The following ADGRB3 variants were observed in gnomAD, a reference collection of about 807,000 sequenced individuals.
The protein encoded by ADGRB3 is adhesion G protein-coupled receptor B3, also known as brain-specific angiogenesis inhibitor 3.
ADGRB3 carries 37 observed loss-of-function variants against 193.4 expected under a neutral mutation model. The ratio of observed to expected loss-of-function variants is 0.19; its 90% CI spans 0.15 to 0.25. ADGRB3 has a LOEUF of 0.25. ADGRB3 is among the 10% of genes least tolerant of loss of function. The pLI is 1.00. For synonymous variants in ADGRB3, 690 were observed against 644.2 expected, an observed-to-expected ratio of 1.07 and a Z score of -1.08; for missense variants, 1,637 against 1,852.9, an observed-to-expected ratio of 0.88 and a Z score of 2.14.
chr6:69,165,279 C>T (rs1486764899), intron 17 of ADGRB3, among the ~76,000 whole-genome samples: 1 of 152,040 alleles, frequency 6.6e-6, no homozygotes, highest in East Asian at 1.9e-4. Context: ...TATTTATGGT[C>T]AGCTCAATAG....
At chr6:68,963,924 T>C (rs1768306224) in intron 8 of ADGRB3, among the ~76,000 whole-genome samples, 1 of 152,182 alleles carries the variant, frequency 6.6e-6, no homozygotes, top group African/African-American at 2.4e-5. Flanking sequence ...GAATCCCTGA[T>C]TCTTCACTGA....
At chr6:68,844,332 A>G (rs1768230454) in intron 3 of ADGRB3, among the ~76,000 whole-genome samples, 1 of 152,204 alleles carries the variant, frequency 6.6e-6, no homozygotes, top group Non-Finnish European at 1.5e-5. Context: ...TAAGAAAAAA[A>G]ATCCAATAGT....
At chr6:69,061,096 GCTCT>G (rs1771735126) in intron 15 of ADGRB3, among the ~76,000 whole-genome samples, 1 of 150,568 alleles carries the variant, frequency 6.6e-6, no homozygotes, top group Non-Finnish European at 1.5e-5. Context: ...CTGTTAACCA[GCTCT>G]CTCTGTCTGC....
chr6:68,810,902 G>T lies in ADGRB3; in HGVS notation c.758-119657G>T, dbSNP rs1368153388. Among the ~76,000 whole-genome samples the T allele has an allele frequency of 3.3e-5, 5 of 152,186 alleles. No homozygotes were observed. In the East Asian group the frequency reaches 5.8e-4, roughly 18 times the overall value. On this transcript the variant is annotated intron_variant, in intron 3 of 31. Transcript: ENST00000370598. ...AAAATAAAAAGTAGCAGTATTATTTGCTAAACTTGCAAGTAATTAGGAAAT... is the reference window on the plus strand; with the variant it reads ...AAAATAAAAAGTAGCAGTATTATTTTCTAAACTTGCAAGTAATTAGGAAAT...
intron 17 of ADGRB3, among the ~76,000 whole-genome samples, chr6:69,167,664 T>C (rs992102203): frequency 2.0e-5 from 3 of 152,050 alleles, no homozygotes; most frequent in Non-Finnish European, 2.9e-5. Context: ...TATTTGCGGG[T>C]ATAAGAGCAG....
At chr6:69,283,451 T>C (rs543759682) in intron 20 of ADGRB3, among the ~76,000 whole-genome samples, 1 of 152,240 alleles carries the variant, frequency 6.6e-6, no homozygotes, top group South Asian at 2.1e-4. Flanking sequence ...TTTCCACTCT[T>C]GGATAGGGGA....
chr6:68,814,690 G>T (rs944298189), intron 3 of ADGRB3, among the ~76,000 whole-genome samples: 2 of 152,080 alleles, frequency 1.3e-5, no homozygotes, highest in East Asian at 1.9e-4. Context: ...CAAAACAAGA[G>T]AATTTTAGAC....
chr6:68,970,604 C>T (rs768667023), intron 8 of ADGRB3, among the ~76,000 whole-genome samples: 4 of 152,176 alleles, frequency 2.6e-5, no homozygotes, highest in African/African-American at 9.7e-5. Flanking sequence ...CTGTGCCTGT[C>T]CCAGACTGCA....
chr6:69,062,658 G>A (rs1771783231), intron 15 of ADGRB3, among the ~76,000 whole-genome samples: 1 of 151,730 alleles, frequency 6.6e-6, no homozygotes, highest in South Asian at 2.1e-4. Context: ...ATCTCTTGTA[G>A]GTGAATCAGA....
intron 3 of ADGRB3, among the ~76,000 whole-genome samples, chr6:68,742,033 G>T (rs555915154): frequency 3.3e-5 from 5 of 152,146 alleles, no homozygotes; most frequent in Non-Finnish European, 7.4e-5. Flanking sequence ...TTTGTTTGAA[G>T]AATTTAGCTT....
At chr6:68,642,855 A>G (rs1220908527) in intron 3 of ADGRB3, among the ~76,000 whole-genome samples, 2 of 151,928 alleles carry the variant, frequency 1.3e-5, no homozygotes, top group Admixed American at 6.6e-5. Context: ...TTTAGGTACA[A>G]GTCAGGAGAA....
At chr6:68,906,484 A>G (rs1047492240) in intron 3 of ADGRB3, among the ~76,000 whole-genome samples, 1 of 151,952 alleles carries the variant, frequency 6.6e-6, no homozygotes, top group African/African-American at 2.4e-5. Context: ...AGTGTTTTTA[A>G]TCAGATAGAT....
intron 3 of ADGRB3, among the ~76,000 whole-genome samples, chr6:68,874,152 C>T (rs1765528970): frequency 6.6e-6 from 1 of 151,926 alleles, no homozygotes; most frequent in Admixed American, 6.6e-5. Context: ...TTAGGATTTT[C>T]TAAAATGATG....
intron 6 of ADGRB3, among the ~76,000 whole-genome samples, chr6:68,950,018 C>T (rs1767872954): frequency 1.3e-5 from 2 of 151,890 alleles, no homozygotes; most frequent in Non-Finnish European, 2.9e-5. Context: ...AAATGGAAGA[C>T]AGATTTTTGC....
At chr6:68,947,284 C>A (rs1275756860) in intron 6 of ADGRB3, among the ~76,000 whole-genome samples, 1 of 152,040 alleles carries the variant, frequency 6.6e-6, no homozygotes, top group Non-Finnish European at 1.5e-5. Flanking sequence ...TTACTTATCT[C>A]ACCAAAGTTC....
chr6:68,704,924 T>C (rs1222266822), intron 3 of ADGRB3, among the ~76,000 whole-genome samples: 3 of 152,190 alleles, frequency 2.0e-5, no homozygotes, highest in African/African-American at 7.2e-5. Flanking sequence ...AACATATCAG[T>C]CTCTATTTAT....
intron 13 of ADGRB3, among the ~76,000 whole-genome samples, chr6:69,042,083 A>G (rs1456505142): frequency 1.3e-5 from 2 of 152,142 alleles, no homozygotes; most frequent in Non-Finnish European, 2.9e-5. Context: ...TGATGATTTT[A>G]TAAAGGACTT....
intron 3 of ADGRB3, among the ~76,000 whole-genome samples, chr6:68,866,505 A>G (rs1304801667): frequency 6.6e-6 from 1 of 152,200 alleles, no homozygotes; most frequent in Admixed American, 6.5e-5. Flanking sequence ...GAAAAGTGGT[A>G]CCACGAGAGT....
At chr6:68,886,274 C>T (rs1396119227) in intron 3 of ADGRB3, among the ~76,000 whole-genome samples, 1 of 151,978 alleles carries the variant, frequency 6.6e-6, no homozygotes, top group Middle Eastern at 3.2e-3. Context: ...CAATATTTTA[C>T]CTAAAGTACA....
Sources: gnomAD v4.1 joint callset for allele counts (sites outside exome capture counted in the v4.1 genomes callset) on GRCh38, gnomAD v4.1.1 for gene constraint, MANE v1.5 for transcripts, NCBI Gene and HGNC (gene_info 2026-07-23, HGNC 2026-07-21) for gene names.